The following TENM3 variants were observed in gnomAD, a reference collection of about 807,000 sequenced individuals.
TENM3 encodes teneurin-3.
TENM3 carries 63 observed loss-of-function variants against 255.1 expected under a neutral mutation model. That is an observed-to-expected ratio of 0.25 (90% confidence interval 0.20 to 0.30). TENM3 has a LOEUF of 0.30. TENM3 is among the 10% of genes least tolerant of loss of function. The pLI is 1.00. For missense variants in TENM3, 2,929 were observed against 3,461.1 expected, an observed-to-expected ratio of 0.85 and a Z score of 3.86; for synonymous variants, 1,306 against 1,322.3, an observed-to-expected ratio of 0.99 and a Z score of 0.27.
the TENM3 span, among the ~76,000 whole-genome samples, chr4:181,770,943 G>A: frequency 6.6e-6 from 1 of 152,158 alleles, no homozygotes; most frequent in Non-Finnish European, 1.5e-5. Flanking sequence ...CTTTGAGGAA[G>A]ATACTATTGT....
At chr4:182,225,121 A>G (rs1040604640) in intron 1 of TENM3, among the ~76,000 whole-genome samples, 2 of 152,096 alleles carry the variant, frequency 1.3e-5, no homozygotes, top group Admixed American at 6.6e-5. Flanking sequence ...GGTGTTGAAA[A>G]TACTCGTCTG....
intron 1 of TENM3, among the ~76,000 whole-genome samples, chr4:182,304,446 T>C (rs866952970): frequency 1.3e-5 from 2 of 152,268 alleles, no homozygotes; most frequent in Middle Eastern, 3.4e-3. Flanking sequence ...TCTCCTGACC[T>C]CATGATCCAC....
At chr4:182,093,116 CA>C in the TENM3 span, among the ~76,000 whole-genome samples, 2,747 of 152,226 alleles carry the variant, frequency 0.018, 66 homozygotes, top group African/African-American at 0.06. Context: ...AGTGATTACT[CA>C]TACACTGATT....
At chr4:182,452,023 T>C (rs1773501978) in intron 3 of TENM3, among the ~76,000 whole-genome samples, 1 of 152,242 alleles carries the variant, frequency 6.6e-6, no homozygotes, top group African/African-American at 2.4e-5. Flanking sequence ...AAAGAAAGTT[T>C]AAATTTCACA....
the TENM3 span, among the ~76,000 whole-genome samples, chr4:181,456,795 T>G: frequency 1.3e-5 from 2 of 151,904 alleles, no homozygotes; most frequent in African/African-American, 2.4e-5. Flanking sequence ...TACTAGAAAT[T>G]TTTACATTTA....
At chr4:182,705,468 A>G (rs1371934187) in intron 12 of TENM3, among the ~76,000 whole-genome samples, 2 of 152,240 alleles carry the variant, frequency 1.3e-5, no homozygotes, top group African/African-American at 4.8e-5. Context: ...ACTATTTAAT[A>G]TGCCTCCACC....
chr4:181,588,253 C>A, the TENM3 span, among the ~76,000 whole-genome samples: 1 of 151,934 alleles, frequency 6.6e-6, no homozygotes, highest in Admixed American at 6.6e-5. Flanking sequence ...CATCAAACAT[C>A]TGAAGTTCAC....
At chr4:182,444,896 C>T (rs1022151702) in intron 3 of TENM3, among the ~76,000 whole-genome samples, 1 of 152,156 alleles carries the variant, frequency 6.6e-6, no homozygotes. Context: ...CAACCTCCAC[C>T]TCCCATGTTC....
At chr4:181,740,523 T>C in the TENM3 span, among the ~76,000 whole-genome samples, 2 of 152,070 alleles carry the variant, frequency 1.3e-5, no homozygotes, top group African/African-American at 4.8e-5. Flanking sequence ...AGTGATAGTT[T>C]AATACTTTAA....
chr4:181,862,620 C>CCAGG, the TENM3 span, among the ~76,000 whole-genome samples: 1 of 152,034 alleles, frequency 6.6e-6, no homozygotes, highest in Non-Finnish European at 1.5e-5. Context: ...TTACGATGTG[C>CCAGG]CAGGCACTGT....
At chr4:182,676,418 A>G (rs1049584161) in intron 7 of TENM3, among the ~76,000 whole-genome samples, 3 of 152,220 alleles carry the variant, frequency 2.0e-5, no homozygotes, top group African/African-American at 2.4e-5. Flanking sequence ...GTGACCTTGC[A>G]GAGTCCCTTC....
intron 22 of TENM3, among the ~76,000 whole-genome samples, chr4:182,762,994 A>G (rs1444329813): frequency 7.4e-6 from 1 of 135,038 alleles, no homozygotes; most frequent in Admixed American, 7.6e-5. Context: ...TCTTCAAGAG[A>G]GACCCCCCAC....
the TENM3 span, among the ~76,000 whole-genome samples, chr4:182,051,207 A>G: frequency 2.0e-5 from 3 of 151,562 alleles, no homozygotes; most frequent in Non-Finnish European, 2.9e-5. Flanking sequence ...GCCAGGTGTG[A>G]TGGCAAGCGC....
At chr4:181,598,989 T>C in the TENM3 span, among the ~76,000 whole-genome samples, 2 of 152,224 alleles carry the variant, frequency 1.3e-5, no homozygotes, top group Non-Finnish European at 2.9e-5. Context: ...TAGTGCTTAA[T>C]GTTAACCAAT....
In TENM3 at chr4:182,164,471, G is replaced by A. The variant is rs1376700576; in HGVS notation, c.-76+19717G>A. ...TCCAAGCTCCCTTGGCATCTGGACT[G>A]GATTTGCACGGTGACTTCCATGTTG... On this transcript the variant is annotated intron_variant, in intron 1 of 2. Transcript: ENST00000512480. 2.6e-5 allele frequency among the ~76,000 whole-genome samples: 4 copies of A among 152,290 alleles called. 1 individual carries two copies. The South Asian group carries it at 8.3e-4, about 32-fold the overall frequency.
chr4:182,352,165 TGGA>T, intron 3 of TENM3, among the ~76,000 whole-genome samples: 1 of 151,656 alleles, frequency 6.6e-6, no homozygotes, highest in Non-Finnish European at 1.5e-5. Flanking sequence ...TCTGGCAAGA[TGGA>T]GGAGAACTCA....
the TENM3 span, among the ~76,000 whole-genome samples, chr4:181,754,163 C>T: frequency 2.4e-3 from 370 of 152,112 alleles, 2 homozygotes; most frequent in Middle Eastern, 0.024. Context: ...GTATATTTGA[C>T]AAAAGCGAGT....
At chr4:181,530,740 A>T in the TENM3 span, among the ~76,000 whole-genome samples, 1 of 152,234 alleles carries the variant, frequency 6.6e-6, no homozygotes, top group Non-Finnish European at 1.5e-5. Flanking sequence ...TGTTGATTCA[A>T]CAACAAAGAT....
rs554897511 is a variant in TENM3, at chr4:182,276,676, C to CTAGA, written c.-76+33201_-76+33204dup. 9.9e-5 allele frequency among the ~76,000 whole-genome samples: 15 copies of CTAGA among 152,218 alleles called. No homozygotes were observed. The East Asian group carries it at 1.7e-3, about 18-fold the overall frequency. ...TGCAGCACTTAACTATGTTATTTGCCTAGAGGAAATAATGTTTCAGTGAAA... is the reference window on the plus strand; with the variant it reads ...TGCAGCACTTAACTATGTTATTTGCCTAGATAGAGGAAATAATGTTTCAGTGAAA... On this transcript the variant is annotated intron_variant, in intron 1 of 27. Coordinates refer to ENST00000511685, the MANE Select transcript of TENM3 (RefSeq NM_001080477.4).
Sources: gnomAD v4.1 joint callset for allele counts (sites outside exome capture counted in the v4.1 genomes callset) on GRCh38, gnomAD v4.1.1 for gene constraint, MANE v1.5 for transcripts, NCBI Gene and HGNC (gene_info 2026-07-23, HGNC 2026-07-21) for gene names.